Variants in DENND1B observed in about 807,000 individuals in gnomAD.
DENND1B encodes DENN domain containing 1B.
A neutral mutation model predicts 90.1 loss-of-function variants in DENND1B; 59 were observed. The ratio of observed to expected loss-of-function variants is 0.65; its 90% CI spans 0.53 to 0.81. The LOEUF (loss-of-function observed/expected upper bound fraction) is 0.81, where lower values mean the gene tolerates loss of function less well. DENND1B is among the 40% of genes least tolerant of loss of function. DENND1B has a pLI of 0.00. For synonymous variants in DENND1B, 337 were observed against 324.6 expected (o/e 1.04, Z -0.41); for missense variants, 862 against 912.6 (o/e 0.94, Z 0.71).
Position 197,589,285 on chromosome 1 carries a change from T to C in DENND1B, c.1047+5923A>G, listed in dbSNP as rs1379355892. Among the ~76,000 whole-genome samples the C allele has an allele frequency of 2.6e-5, 4 of 152,230 alleles. 1 individual carries two copies. The highest frequency in any genetic ancestry group is 9.6e-5 in the African/African-American group (4 of 41,572). ...CCAAAGTACTTGAGGAGAAACTGTA[T>C]ATTATTACTGAAGCAATTAAGCAAA... On this transcript the variant is annotated intron_variant, in intron 14 of 22. Transcript: ENST00000620048.
chr1:197,694,082 T>C (rs1174724944), intron 3 of DENND1B, among the ~76,000 whole-genome samples: 1 of 151,428 alleles, frequency 6.6e-6, no homozygotes, highest in Non-Finnish European at 1.5e-5. Flanking sequence ...CAATACTTCC[T>C]TTAAATCGTT....
At chr1:197,627,131 C>T (rs932104744) in intron 10 of DENND1B, among the ~76,000 whole-genome samples, 10 of 152,092 alleles carry the variant, frequency 6.6e-5, no homozygotes, top group African/African-American at 2.4e-4. Context: ...CCTTCTGAAA[C>T]TATTCCAATC....
At chr1:197,668,366 T>C (rs928674952) in intron 5 of DENND1B, among the ~76,000 whole-genome samples, 1 of 151,370 alleles carries the variant, frequency 6.6e-6, no homozygotes, top group Non-Finnish European at 1.5e-5. Context: ...CTCATGAGGG[T>C]AACATTCTGG....
chr1:197,580,553 G>A (rs889782855), intron 15 of DENND1B, among the ~76,000 whole-genome samples: 1 of 152,080 alleles, frequency 6.6e-6, no homozygotes, highest in Admixed American at 6.6e-5. Flanking sequence ...AGGTCTGGGG[G>A]CACTAACATT....
At chr1:197,686,315 A>G (rs1337397436) in intron 3 of DENND1B, among the ~76,000 whole-genome samples, 3 of 152,230 alleles carry the variant, frequency 2.0e-5, no homozygotes, top group Non-Finnish European at 4.4e-5. Flanking sequence ...CTAATTTATA[A>G]AAGCAGATTA....
At chr1:197,631,645 G>GAAC (rs1197241490) in intron 10 of DENND1B, among the ~76,000 whole-genome samples, 1 of 151,652 alleles carries the variant, frequency 6.6e-6, no homozygotes, top group Admixed American at 6.6e-5. Context: ...CACAATGGCA[G>GAAC]AACAACAACA....
At position 197,643,557 on chromosome 1, in the gene DENND1B, C is replaced by T. The variant is rs561712221; in HGVS notation, c.562-736G>A. Among the ~76,000 whole-genome samples, 5 of 152,270 alleles carry T rather than the reference C, an allele frequency of 3.3e-5. No homozygotes were observed. The South Asian group carries it at 1.0e-3, about 32-fold the overall frequency. ...ATACATTTGAGTCTTTTCATGTTTG[C>T]CATTCACTATGCAGGCACAATCATC... On this transcript the variant is annotated intron_variant, in intron 9 of 22. Coordinates refer to ENST00000620048, the MANE Select transcript of DENND1B (RefSeq NM_001195215.2).
intron 14 of DENND1B, among the ~76,000 whole-genome samples, chr1:197,586,005 A>G (rs1281287865): frequency 1.3e-5 from 2 of 152,230 alleles, no homozygotes; most frequent in East Asian, 3.8e-4. Context: ...TGGCAAAATC[A>G]ATAGGACTAG....
At chr1:197,766,921 G>A (rs188195839) in intron 2 of DENND1B, among the ~76,000 whole-genome samples, 13 of 152,074 alleles carry the variant, frequency 8.5e-5, no homozygotes, top group Non-Finnish European at 1.8e-4. Flanking sequence ...AGCCTCTCAA[G>A]TAGTTGGGAC....
intron 2 of DENND1B, among the ~76,000 whole-genome samples, chr1:197,750,129 G>A (rs1558477730): frequency 6.6e-6 from 1 of 152,270 alleles, no homozygotes; most frequent in African/African-American, 2.4e-5. Context: ...CTATAGGCGT[G>A]AGCCACCAGG....
At chr1:197,753,326 A>G (rs1653813575) in intron 2 of DENND1B, among the ~76,000 whole-genome samples, 1 of 152,092 alleles carries the variant, frequency 6.6e-6, no homozygotes, top group South Asian at 2.1e-4. Context: ...AATGCTTTCA[A>G]AAATTAAAAA....
In DENND1B at chr1:197,506,790, G is replaced by A. The variant is rs980590005; in HGVS notation, c.*3670C>T. 4 of 151,400 alleles carry A rather than the reference G, an allele frequency of 2.6e-5. No individual in the cohort carries two copies. Among genetic ancestry groups the A allele is most frequent in the African/African-American group, 4.8e-5 (2 of 41,354 alleles). The allele number at this position is 151,400 out of a possible 1,614,324, so 9.4% of individuals were successfully genotyped here. A position where few individuals can be genotyped will look rare whatever the true frequency, so the allele number is the denominator to read the frequency against. On this transcript the variant is annotated 3_prime_UTR_variant, in exon 23 of 23. Coordinates refer to ENST00000620048, the MANE Select transcript of DENND1B (RefSeq NM_001195215.2). ...GAACGCTGTTATTCATATAAAAATAGTAAAAATTGGATTCCCATTAACATG... is the reference window on the plus strand; with the variant it reads ...GAACGCTGTTATTCATATAAAAATAATAAAAATTGGATTCCCATTAACATG...
intron 3 of DENND1B, among the ~76,000 whole-genome samples, chr1:197,682,813 G>C (rs960791863): frequency 6.6e-6 from 1 of 152,128 alleles, no homozygotes; most frequent in African/African-American, 2.4e-5. Flanking sequence ...TGTTGAGATA[G>C]TAATAAGACA....
intron 10 of DENND1B, among the ~76,000 whole-genome samples, chr1:197,632,686 A>C (rs571703063): frequency 6.6e-6 from 1 of 152,328 alleles, no homozygotes; most frequent in East Asian, 1.9e-4. Context: ...ATTTCAAAAT[A>C]AAGGCATTTC....
At chr1:197,766,982 CAG>C (rs1655780619) in intron 2 of DENND1B, among the ~76,000 whole-genome samples, 4 of 151,814 alleles carry the variant, frequency 2.6e-5, no homozygotes, top group Admixed American at 1.3e-4. Flanking sequence ...TTAGTAGAGA[CAG>C]GGATTCACTA....
chr1:197,670,162 C>T (rs1487352898), intron 5 of DENND1B, among the ~76,000 whole-genome samples: 8 of 152,038 alleles, frequency 5.3e-5, no homozygotes, highest in African/African-American at 1.2e-4. Flanking sequence ...GATGGCTTTC[C>T]TCAATTTAAA....
At chr1:197,599,083 C>T (rs112461501) in intron 13 of DENND1B, among the ~76,000 whole-genome samples, 2 of 151,760 alleles carry the variant, frequency 1.3e-5, no homozygotes, top group African/African-American at 4.8e-5. Flanking sequence ...CACTTTTACC[C>T]TCTTAGCACT....
At chr1:197,671,091 T>C (rs1655460034) in intron 5 of DENND1B, among the ~76,000 whole-genome samples, 1 of 152,174 alleles carries the variant, frequency 6.6e-6, no homozygotes, top group African/African-American at 2.4e-5. Context: ...TAAATATGAA[T>C]AGCAAATGAA....
chr1:197,760,935 A>G (rs1057508570), intron 2 of DENND1B, among the ~76,000 whole-genome samples: 1 of 152,178 alleles, frequency 6.6e-6, no homozygotes, highest in African/African-American at 2.4e-5. Context: ...TCCCTAACAA[A>G]CACTACAGTA....
Sources: allele counts gnomAD v4.1 joint callset (sites outside exome capture counted in the v4.1 genomes callset), GRCh38; gene constraint gnomAD v4.1.1; transcripts MANE v1.5; gene names NCBI Gene and HGNC (gene_info 2026-07-23, HGNC 2026-07-21).